Variants in CSMD3 observed in about 807,000 individuals in gnomAD.
CSMD3 encodes CUB and sushi domain-containing protein 3.
A neutral mutation model predicts 435.2 loss-of-function variants in CSMD3; 177 were observed. That is an observed-to-expected ratio of 0.41 (90% CI 0.36 to 0.46). The LOEUF (loss-of-function observed/expected upper bound fraction) is 0.46, where lower values mean the gene tolerates loss of function less well. CSMD3 is among the 20% of genes least tolerant of loss of function. CSMD3 has a pLI of 0.34. For missense variants in CSMD3, 4,265 were observed against 4,504.6 expected (o/e 0.95, Z 1.52); for synonymous variants, 1,656 against 1,520.5 (o/e 1.09, Z -2.07).
At chr8:112,535,501 A>G (rs1825984145) in intron 27 of CSMD3, among the ~76,000 whole-genome samples, 1 of 151,838 alleles carries the variant, frequency 6.6e-6, no homozygotes, top group South Asian at 2.1e-4. Flanking sequence ...ACTACAAACC[A>G]CTGCTCAATG....
intron 38 of CSMD3, among the ~76,000 whole-genome samples, chr8:112,371,239 G>A (rs561821392): frequency 1.3e-5 from 2 of 152,244 alleles, no homozygotes; most frequent in South Asian, 4.1e-4. Flanking sequence ...ACTCCTTGCT[G>A]GTCTCCTTCT....
At chr8:112,582,035 C>G (rs576031924) in intron 23 of CSMD3, among the ~76,000 whole-genome samples, 1 of 152,152 alleles carries the variant, frequency 6.6e-6, no homozygotes, top group South Asian at 2.1e-4. Context: ...CCTTCCAAAT[C>G]TCATGTCGGA....
chr8:113,193,324 A>G (rs2092611593), intron 3 of CSMD3, among the ~76,000 whole-genome samples: 1 of 151,230 alleles, frequency 6.6e-6, no homozygotes, highest in South Asian at 2.1e-4. Flanking sequence ...TGGTCCTCTT[A>G]TTGCTTCTTA....
intron 1 of CSMD3, among the ~76,000 whole-genome samples, chr8:113,343,186 C>T (rs1220579979): frequency 1.3e-5 from 2 of 151,632 alleles, no homozygotes; most frequent in Non-Finnish European, 1.5e-5. Flanking sequence ...AAAGTAGCTA[C>T]TTTTAAAGCT....
Position 112,597,088 on chromosome 8 carries a change from T to G in CSMD3, c.3716-9853A>C, listed in dbSNP as rs1356322496. Among the ~76,000 whole-genome samples, 6 of 152,122 alleles carry G rather than the reference T, an allele frequency of 3.9e-5. No homozygotes were observed. The South Asian group carries it at 8.3e-4, about 21-fold the overall frequency. On this transcript the variant is annotated intron_variant, in intron 22 of 70. Transcript: ENST00000297405. ...TTAATGAATCCAGGAGCTGGTTTTT[T>G]GAAAGGATCAACAAAATTGATAGAC... is the stretch of plus-strand genomic sequence containing the variant.
At chr8:112,952,614 G>T (rs1237032324) in intron 8 of CSMD3, among the ~76,000 whole-genome samples, 1 of 151,288 alleles carries the variant, frequency 6.6e-6, no homozygotes, top group Non-Finnish European at 1.5e-5. Flanking sequence ...ACAAATTATA[G>T]TAAAATGAAA....
chr8:112,628,152 C>T (rs2131545841), intron 22 of CSMD3, among the ~76,000 whole-genome samples: 1 of 152,218 alleles, frequency 6.6e-6, no homozygotes, highest in Non-Finnish European at 1.5e-5. Context: ...GATACTATTT[C>T]TATCACACAC....
At chr8:112,831,557 GT>G (rs5894109) in intron 11 of CSMD3, among the ~76,000 whole-genome samples, 13,970 of 142,906 alleles carry the variant, frequency 0.098, 1,657 homozygotes, top group African/African-American at 0.29. Flanking sequence ...ATGTAAAAGT[GT>G]TTTTTTTTTT....
intron 6 of CSMD3, among the ~76,000 whole-genome samples, chr8:112,988,974 T>G (rs2085350603): frequency 6.6e-6 from 1 of 152,096 alleles, no homozygotes; most frequent in Non-Finnish European, 1.5e-5. Context: ...CATTCACGTA[T>G]TCACTCAACA....
intron 13 of CSMD3, among the ~76,000 whole-genome samples, chr8:112,728,056 A>G (rs1425528309): frequency 4.6e-5 from 7 of 151,952 alleles, no homozygotes; most frequent in Non-Finnish European, 2.9e-5. Context: ...ATCATAAAAG[A>G]CAAAAGGCAT....
At position 112,279,091 on chromosome 8, in the gene CSMD3, G is replaced by C. The variant is rs570812102; in HGVS notation, c.9508+2083C>G. On this transcript the variant is annotated intron_variant, in intron 59 of 70. Transcript: ENST00000297405. ...GATACAGGGAGAAGAAACAAAAATT[G>C]AAATAAAGATCCACAACTGGACTCA... Among the ~76,000 whole-genome samples the C allele has an allele frequency of 7.9e-5, 12 of 151,980 alleles. No individual in the cohort carries two copies. In the South Asian group the frequency reaches 2.3e-3, roughly 29 times the overall value.
chr8:113,076,968 G>A (rs542004277), intron 5 of CSMD3, among the ~76,000 whole-genome samples: 1 of 152,124 alleles, frequency 6.6e-6, no homozygotes, highest in East Asian at 1.9e-4. Flanking sequence ...AGGTTGCCAG[G>A]TATTAGGGAG....
intron 12 of CSMD3, among the ~76,000 whole-genome samples, chr8:112,826,316 A>G (rs1025364906): frequency 6.6e-6 from 1 of 152,068 alleles, no homozygotes; most frequent in Non-Finnish European, 1.5e-5. Flanking sequence ...AAGAAGCTCA[A>G]ATGACTTAGA....
rs1412286776 is a variant in CSMD3 at position 112,298,653 on chromosome 8, T to TA, written c.8441-2648dup. Reference sequence around the variant, plus strand: ...TTCATAACAAAAAGGCAAGTCAATATACTTTACCACTTCACAAAGGAAAAT... The same window carrying TA: ...TTCATAACAAAAAGGCAAGTCAATATAACTTTACCACTTCACAAAGGAAAAT... On this transcript the variant is annotated intron_variant, in intron 53 of 70. Transcript: ENST00000297405. Among the ~76,000 whole-genome samples the TA allele has an allele frequency of 3.9e-5, 6 of 152,250 alleles. No homozygotes were observed. The East Asian group carries it at 9.7e-4, about 24-fold the overall frequency.
At chr8:112,235,616 G>T (rs1813500421) in intron 67 of CSMD3, among the ~76,000 whole-genome samples, 1 of 151,938 alleles carries the variant, frequency 6.6e-6, no homozygotes, top group African/African-American at 2.4e-5. Flanking sequence ...CAGAAAATAG[G>T]ATCTAAGAAA....
intron 13 of CSMD3, among the ~76,000 whole-genome samples, chr8:112,763,974 C>A (rs1056782375): frequency 8.0e-5 from 12 of 150,786 alleles, no homozygotes; most frequent in Non-Finnish European, 5.9e-5. Flanking sequence ...GCTGAAAATA[C>A]TGAATTTCCC....
At position 113,133,401 on chromosome 8, in the gene CSMD3, A is replaced by G. The variant is rs75813677; in HGVS notation, c.710-34438T>C. ...CGTTAGGATTGCTACTGTAAAAACA[A>G]TAACAAACAACATCAAAGCAAAAAA... On this transcript the variant is annotated intron_variant, in intron 4 of 70. Coordinates refer to ENST00000297405, the MANE Select transcript of CSMD3 (RefSeq NM_198123.2). 7.7e-3 allele frequency among the ~76,000 whole-genome samples: 1,175 copies of G among 152,260 alleles called. 19 individuals carry two copies. Among genetic ancestry groups the G allele is most frequent in the African/African-American group, 0.027 (1,125 of 41,572 alleles).
At chr8:112,845,011 G>C (rs1416362346) in intron 11 of CSMD3, among the ~76,000 whole-genome samples, 2 of 151,944 alleles carry the variant, frequency 1.3e-5, no homozygotes, top group African/African-American at 2.4e-5. Context: ...ATACCCAATG[G>C]TTAGTAGTGG....
chr8:113,040,647 G>A (rs959222199), intron 5 of CSMD3, among the ~76,000 whole-genome samples: 4 of 152,132 alleles, frequency 2.6e-5, no homozygotes, highest in Non-Finnish European at 4.4e-5. Context: ...TCCTTGATTA[G>A]GTGGAGAGCA....
Sources: allele counts gnomAD v4.1 joint callset (sites outside exome capture counted in the v4.1 genomes callset), GRCh38; gene constraint gnomAD v4.1.1; transcripts MANE v1.5; gene names NCBI Gene and HGNC (gene_info 2026-07-23, HGNC 2026-07-21).